Variants in ADAMTS16 observed in about 807,000 individuals in gnomAD.
ADAMTS16 encodes the protein ADAM metallopeptidase with thrombospondin type 1 motif 16.
Under a neutral mutation model 145.8 loss-of-function variants are expected in ADAMTS16, and 94 were observed. That is an observed-to-expected ratio of 0.64 (90% CI 0.55 to 0.77). ADAMTS16 has a LOEUF of 0.77. Ranked by LOEUF, ADAMTS16 falls within the 30% of genes least tolerant of loss-of-function variation. The pLI is 0.00. For missense variants in ADAMTS16, 1,585 were observed against 1,591.5 expected, an observed-to-expected ratio of 1.00 and a Z score of 0.07; for synonymous variants, 659 against 604.3, an observed-to-expected ratio of 1.09 and a Z score of -1.33.
rs774173284 is a variant in ADAMTS16 at position 5,262,792 on chromosome 5, C to T, written c.2789+9C>T. ...TCTGCCTGTCCTCCCAGGTAAGAAG[C>T]ATCGCGTTCATCAAAGCAGGTTTCC... On this transcript the variant is annotated intron_variant, in intron 18 of 22. Transcript: ENST00000274181. The T allele has an allele frequency of 6.2e-7, 1 of 1,612,232 alleles. No homozygotes were observed. Among genetic ancestry groups the T allele is most frequent in the Non-Finnish European group, 8.5e-7 (1 of 1,179,500 alleles).
At chr5:5,193,138 A>AGT (rs146798284) in intron 8 of ADAMTS16, among the ~76,000 whole-genome samples, 24,359 of 150,452 alleles carry the variant, frequency 0.16, 2,606 homozygotes, top group African/African-American at 0.28. Context: ...TGTTCAAAGC[A>AGT]GTGTGTGTGT....
chr5:5,227,055 T>C (rs1444209589), intron 11 of ADAMTS16, among the ~76,000 whole-genome samples: 3 of 152,372 alleles, frequency 2.0e-5, no homozygotes, highest in African/African-American at 7.2e-5. Flanking sequence ...GCCTAGTCCT[T>C]ACATTGAACC....
intron 11 of ADAMTS16, among the ~76,000 whole-genome samples, chr5:5,228,197 C>G (rs1355409547): frequency 6.6e-6 from 1 of 152,160 alleles, no homozygotes; most frequent in African/African-American, 2.4e-5. Flanking sequence ...AACCAGAATC[C>G]TAACAGAAGA....
chr5:5,272,177 G>C (rs1738506501), intron 18 of ADAMTS16, among the ~76,000 whole-genome samples: 1 of 152,034 alleles, frequency 6.6e-6, no homozygotes, highest in African/African-American at 2.4e-5. Flanking sequence ...AGAGGGTTTT[G>C]CTCACAGGAA....
intron 4 of ADAMTS16, among the ~76,000 whole-genome samples, chr5:5,185,100 G>T (rs1387947092): frequency 6.6e-6 from 1 of 152,106 alleles, no homozygotes; most frequent in Non-Finnish European, 1.5e-5. Flanking sequence ...TGCGGGCATT[G>T]CATAAACATT....
At chr5:5,180,579 A>T (rs1317299750) in intron 3 of ADAMTS16, among the ~76,000 whole-genome samples, 1 of 152,234 alleles carries the variant, frequency 6.6e-6, no homozygotes, top group Non-Finnish European at 1.5e-5. Context: ...TCCAACATCA[A>T]CAATTTCTCT....
At chr5:5,233,281 G>T (rs1021321402) in intron 12 of ADAMTS16, among the ~76,000 whole-genome samples, 4 of 152,174 alleles carry the variant, frequency 2.6e-5, no homozygotes, top group Admixed American at 1.3e-4. Flanking sequence ...AAGTAAGAAT[G>T]AATGTGAGAA....
At chr5:5,180,699 T>G (rs1464508035) in intron 3 of ADAMTS16, among the ~76,000 whole-genome samples, 1 of 152,248 alleles carries the variant, frequency 6.6e-6, no homozygotes, top group Admixed American at 6.5e-5. Context: ...TAATACCTTT[T>G]GGAAACCCTG....
intron 3 of ADAMTS16, among the ~76,000 whole-genome samples, chr5:5,167,842 C>A (rs1365598554): frequency 1.3e-5 from 2 of 152,172 alleles, no homozygotes; most frequent in African/African-American, 4.8e-5. Flanking sequence ...AAGGCCTAAA[C>A]GTTAAATTTT....
At chr5:5,255,381 G>C (rs1204842924) in intron 17 of ADAMTS16, among the ~76,000 whole-genome samples, 1 of 152,242 alleles carries the variant, frequency 6.6e-6, no homozygotes, top group Non-Finnish European at 1.5e-5. Context: ...AATAAATAGA[G>C]AGATTGAAAG....
At chr5:5,268,884 G>A (rs1380181254) in intron 18 of ADAMTS16, among the ~76,000 whole-genome samples, 1 of 152,216 alleles carries the variant, frequency 6.6e-6, no homozygotes, top group Admixed American at 6.5e-5. Flanking sequence ...CAAGACGGAG[G>A]TAGTCGAGCC....
intron 3 of ADAMTS16, among the ~76,000 whole-genome samples, chr5:5,172,062 C>G (rs1050815323): frequency 2.6e-5 from 4 of 152,090 alleles, no homozygotes; most frequent in African/African-American, 9.6e-5. Flanking sequence ...TAGCTGTTCA[C>G]AGAAGCCTCT....
At chr5:5,298,218 C>T (rs1435173531) in intron 18 of ADAMTS16, among the ~76,000 whole-genome samples, 1 of 152,196 alleles carries the variant, frequency 6.6e-6, no homozygotes, top group Non-Finnish European at 1.5e-5. Context: ...GATTTGATTT[C>T]TGATATACTG....
At chr5:5,242,005 T>C (rs778709447) in intron 16 of ADAMTS16, 48 bp from the exon 17 acceptor site, 1 of 1,607,268 alleles carries the variant, frequency 6.2e-7, no homozygotes, top group Admixed American at 1.7e-5. Context: ...ATGTACTTGC[T>C]GGTTTTGCAT....
At chr5:5,235,710 T>G (rs1471456792) in intron 13 of ADAMTS16, among the ~76,000 whole-genome samples, 4 of 152,200 alleles carry the variant, frequency 2.6e-5, no homozygotes, top group Admixed American at 6.5e-5. Flanking sequence ...GGGAAAGAAA[T>G]AAGTGTTGTT....
chr5:5,312,792 T>G (rs1740513140), intron 21 of ADAMTS16, among the ~76,000 whole-genome samples: 1 of 152,162 alleles, frequency 6.6e-6, no homozygotes, highest in South Asian at 2.1e-4. Context: ...TCTGCTGTCT[T>G]TTGAGTCAGG....
At chr5:5,254,029 G>A (rs1737710051) in intron 17 of ADAMTS16, among the ~76,000 whole-genome samples, 2 of 152,248 alleles carry the variant, frequency 1.3e-5, no homozygotes, top group East Asian at 1.9e-4. Flanking sequence ...CTACACCTAC[G>A]GTGGCCTGAA....
chr5:5,202,548 C>G (rs1340990733), intron 9 of ADAMTS16, among the ~76,000 whole-genome samples: 1 of 152,072 alleles, frequency 6.6e-6, no homozygotes, highest in Non-Finnish European at 1.5e-5. Context: ...ATTTTTCTCT[C>G]TGTGTGTGTG....
chr5:5,225,060 G>A (rs1271871821), intron 11 of ADAMTS16, among the ~76,000 whole-genome samples: 1 of 151,984 alleles, frequency 6.6e-6, no homozygotes, highest in African/African-American at 2.4e-5. Context: ...AGATAGAGTA[G>A]GTTCCTAAAA....
Sources: allele counts gnomAD v4.1 joint callset (sites outside exome capture counted in the v4.1 genomes callset), GRCh38; gene constraint gnomAD v4.1.1; transcripts MANE v1.5; gene names NCBI Gene and HGNC (gene_info 2026-07-23, HGNC 2026-07-21).